TNS4: variants seen among roughly 807,000 people sequenced by gnomAD.
TNS4 encodes tensin 4, also known as tensin-4.
In TNS4, 46 loss-of-function variants were observed where a neutral mutation model predicts 70.4. The ratio of observed to expected loss-of-function variants is 0.65; its 90% confidence interval spans 0.52 to 0.84. The LOEUF (loss-of-function observed/expected upper bound fraction) is 0.84. Ranked by LOEUF, TNS4 falls within the 40% of genes least tolerant of loss-of-function variation. The pLI is 0.00. For missense variants in TNS4, 863 were observed against 907.0 expected (o/e 0.95, Z 0.62); for synonymous variants, 390 against 366.6 (o/e 1.06, Z -0.73).
Position 40,488,981 on chromosome 17 carries a change from A to G in TNS4, c.440-12T>C. 6.5e-7 allele frequency: 1 copy of G among 1,549,102 alleles called. No individual in the cohort carries two copies. Among genetic ancestry groups the G allele is most frequent in the South Asian group, 1.2e-5 (1 of 83,164 alleles). The stretch of plus-strand genomic sequence containing the variant: ...GATGTACTTTATGTCTTTGGGGGAG[A>G]AAAGCAGAGCATTGGTGAAATGCAG... On this transcript the variant is annotated splice_polypyrimidine_tract_variant and intron_variant, in intron 2 of 12. Transcript: ENST00000254051.
intron 1 of TNS4, among the ~76,000 whole-genome samples, chr17:40,500,855 C>T (rs1307494732): frequency 1.3e-5 from 2 of 152,056 alleles, no homozygotes; most frequent in African/African-American, 4.8e-5. Flanking sequence ...CCCATAGGAC[C>T]AGTGAAGGCC....
At chr17:40,491,704 T>G in intron 2 of TNS4, among the ~76,000 whole-genome samples, 1 of 150,290 alleles carries the variant, frequency 6.7e-6, no homozygotes, top group South Asian at 2.1e-4. Context: ...TCAAGGTGGG[T>G]GTGGCTGGGG....
intron 2 of TNS4, 25 bp downstream of exon 2, chr17:40,495,962 C>T: frequency 6.3e-7 from 1 of 1,587,254 alleles, no homozygotes; most frequent in East Asian, 2.2e-5. Flanking sequence ...AGCCCCCCTC[C>T]TGGTACTGTG....
intron 4 of TNS4, 62 bp downstream of exon 4, chr17:40,486,974 C>T (rs927341929): frequency 1.3e-6 from 2 of 1,579,860 alleles, no homozygotes. Context: ...TTGCAGAAAC[C>T]CACTGGCACT....
intron 1 of TNS4, among the ~76,000 whole-genome samples, chr17:40,500,539 G>A (rs1381961764): frequency 3.9e-5 from 6 of 152,106 alleles, no homozygotes; most frequent in Non-Finnish European, 7.4e-5. Context: ...CCCCCTACCC[G>A]CTCCCACTTC....
chr17:40,491,387 C>T (rs2036064195), intron 2 of TNS4, among the ~76,000 whole-genome samples: 2 of 152,168 alleles, frequency 1.3e-5, no homozygotes, highest in South Asian at 4.1e-4. Flanking sequence ...ATTATTAATG[C>T]CCATATAACA....
intron 5 of TNS4, 119 bp downstream of exon 5, chr17:40,484,802 C>A: frequency 7.3e-7 from 1 of 1,375,030 alleles, no homozygotes; most frequent in South Asian, 1.3e-5. Context: ...GCAGGACATC[C>A]CCCTCCCCCG....
intron 6 of TNS4, among the ~76,000 whole-genome samples, chr17:40,483,162 C>T (rs556602218): frequency 1.3e-5 from 2 of 152,132 alleles, no homozygotes; most frequent in East Asian, 1.9e-4. Flanking sequence ...AGGCTGGTCT[C>T]GAACTCCTGA....
Position 40,484,868 on chromosome 17 carries a change from T to A in TNS4, c.1375+53A>T, listed in dbSNP as rs180822969. ...AACTGTAACCCAGGGCCCTGCCTGA[T>A]GCAAAGTGCAAGACCCAGACCCTAT... On this transcript the variant is annotated intron_variant, in intron 5 of 12. Transcript: ENST00000254051. 22 of 1,593,712 alleles carry A rather than the reference T, an allele frequency of 1.4e-5. No individual in the cohort carries two copies. The Admixed American group carries it at 3.7e-4, about 27-fold the overall frequency.
At chr17:40,493,751 C>T (rs2036105292) in intron 2 of TNS4, among the ~76,000 whole-genome samples, 1 of 152,192 alleles carries the variant, frequency 6.6e-6, no homozygotes, top group Admixed American at 6.5e-5. Context: ...GATGTGGACC[C>T]ATGCCATCAG....
intron 2 of TNS4, among the ~76,000 whole-genome samples, chr17:40,492,283 C>A (rs929705104): frequency 6.6e-6 from 1 of 152,198 alleles, no homozygotes; most frequent in South Asian, 2.1e-4. Context: ...CCATCACGTA[C>A]CCACCCCGAG....
In TNS4 at chr17:40,488,683, G is replaced by T. The variant is rs2036024544; in HGVS notation, c.726C>A (p.Ser242Arg). ...CCAGCGGGGAGCCCAAACCATGGGGGCTCGAGGCCTTGCTCCCCATGCAAG... is the reference window on the plus strand; with the variant it reads ...CCAGCGGGGAGCCCAAACCATGGGGTCTCGAGGCCTTGCTCCCCATGCAAG... ...SIPCMGSKAS[S>R]PHGLGSPLVA... Residue 242 changes from serine to arginine, a missense_variant, in exon 3 of 13, where the codon AGC becomes AGA. Transcript: ENST00000254051. 6.3e-7 allele frequency: 1 copy of T among 1,576,930 alleles called. No individual in the cohort carries two copies. The highest frequency in any genetic ancestry group is 8.6e-7 in the Non-Finnish European group (1 of 1,160,738).
chr17:40,482,481 C>A, intron 6 of TNS4, 65 bp from the exon 7 acceptor site: 1 of 1,517,378 alleles, frequency 6.6e-7, no homozygotes. Context: ...CGGTGGCTCA[C>A]GCCTGTAATC....
In TNS4 at chr17:40,485,025, AG is replaced by A. The variant is rs1228855953; in HGVS notation, c.1289-19del. The A allele has an allele frequency of 6.2e-7, 1 of 1,612,348 alleles. No homozygotes were observed. On this transcript the variant is annotated intron_variant, in intron 4 of 12. Transcript: ENST00000254051. ...GGCGGGACCTGGAGACAGACAGAGA[AG>A]GGGGACCCTGTAGGCTGGACAGACG...
At position 40,478,671 on chromosome 17, in the gene TNS4, G is replaced by T. The variant is rs1340598799; in HGVS notation, c.1911-23C>A. ...ACCCTAGGAGGAGGCGGGGAGAGAA[G>T]GGAAGCGATGACAGCCTGTCCCAGT... is the stretch of plus-strand genomic sequence containing the variant. On this transcript the variant is annotated intron_variant, in intron 10 of 12. Transcript: ENST00000254051. The T allele has an allele frequency of 1.9e-6, 3 of 1,613,132 alleles. No homozygotes were observed. In the Admixed American group the frequency reaches 5.0e-5, roughly 27 times the overall value.
In TNS4 at chr17:40,482,000, G is replaced by A. The variant is rs965461181; in HGVS notation, c.1672+129C>T. ...CAGCTAGGAGGTGGAGATGTTGAGC[G>A]ACTCCAGTGCACACAGTTTTAACCG... is the stretch of plus-strand genomic sequence containing the variant. On this transcript the variant is annotated intron_variant, in intron 8 of 12. Coordinates refer to ENST00000254051, the MANE Select transcript of TNS4 (RefSeq NM_032865.6). The A allele has an allele frequency of 1.2e-5, 12 of 1,039,484 alleles. No individual in the cohort carries two copies. In the Admixed American group the frequency reaches 1.3e-4, roughly 12 times the overall value. 64.4% of individuals were successfully genotyped at this position (1,039,484 alleles called of 1,614,324 possible). A position where few individuals can be genotyped will look rare whatever the true frequency, so the allele number is the denominator to read the frequency against.
Position 40,479,189 on chromosome 17 carries a change from C to T in TNS4, c.1910+485G>A, listed in dbSNP as rs370891583. On this transcript the variant is annotated intron_variant, in intron 10 of 12. Coordinates refer to ENST00000254051, the MANE Select transcript of TNS4 (RefSeq NM_032865.6). ...TTGAGATGGAGTTTCACTCTGTCAC[C>T]CAGGTTGGAGTGCAATGGCGTGCTC... Among the ~76,000 whole-genome samples, 8 of 152,248 alleles carry T rather than the reference C, an allele frequency of 5.3e-5. No homozygotes were observed. In the East Asian group the frequency reaches 1.3e-3, roughly 26 times the overall value.
chr17:40,476,166 G>A lies in TNS4; in HGVS notation c.*1422C>T, dbSNP rs2035844641. 1.3e-5 allele frequency: 2 copies of A among 149,382 alleles called. No individual in the cohort carries two copies. Among genetic ancestry groups the A allele is most frequent in the Admixed American group, 1.3e-4 (2 of 14,870 alleles). The allele number at this position is 149,382 out of a possible 1,614,324, so 9.3% of individuals were successfully genotyped here. A position where few individuals can be genotyped will look rare whatever the true frequency, so the allele number is the denominator to read the frequency against. ...TTCCCTGACCCTCCCTTCCACCCCG[G>A]TAGGGTGGTTTCCTTAGGAACTCAG... On this transcript the variant is annotated 3_prime_UTR_variant, in exon 13 of 13. Transcript: ENST00000254051.
chr17:40,488,779 C>G lies in TNS4; in HGVS notation c.630G>C (p.Gly210=), dbSNP rs780768373. The G allele has an allele frequency of 6.2e-7, 1 of 1,609,976 alleles. No homozygotes were observed. Among genetic ancestry groups the G allele is most frequent in the Non-Finnish European group, 8.5e-7 (1 of 1,178,804 alleles). The part of the protein sequence containing the change: ...SLIFSGNQGR[G]HQRPLPPSEG... The stretch of plus-strand genomic sequence containing the variant: ...CTGAGGGGGGCAGAGGGCGCTGGTG[C>G]CCCCTGCCCTGGTTCCCAGAGAAGA... Residue 210 remains glycine, a synonymous_variant, in exon 3 of 13, where the codon GGG becomes GGC. Transcript: ENST00000254051.
Sources: allele counts gnomAD v4.1 joint callset (sites outside exome capture counted in the v4.1 genomes callset), GRCh38; gene constraint gnomAD v4.1.1; transcripts MANE v1.5; gene names NCBI Gene and HGNC (gene_info 2026-07-23, HGNC 2026-07-21).